Variants in FNDC1 observed in about 807,000 individuals in gnomAD.
FNDC1 encodes the protein fibronectin type III domain-containing protein 1.
Under a neutral mutation model 168.0 loss-of-function variants are expected in FNDC1, and 96 were observed. The ratio of observed to expected loss-of-function variants is 0.57; its 90% CI spans 0.48 to 0.68. FNDC1 has a LOEUF of 0.68. Ranked by LOEUF, FNDC1 falls within the 30% of genes least tolerant of loss-of-function variation. FNDC1 has a pLI of 0.00. For synonymous variants in FNDC1, 1,099 were observed against 1,025.9 expected (o/e 1.07, Z -1.36); for missense variants, 2,587 against 2,482.1 (o/e 1.04, Z -0.90).
rs1326187895 is a variant in FNDC1 at position 159,232,519 on chromosome 6, C to G, written c.2007C>G (p.Ala669=). 1.9e-6 allele frequency: 3 copies of G among 1,612,084 alleles called. No homozygotes were observed. The highest frequency in any genetic ancestry group is 1.7e-6 in the Non-Finnish European group (2 of 1,179,350). ...PKGAFAQPRP[A]LSPSRQSPSS... is the part of the protein sequence containing the mutation. ...GCGCCTTCGCCCAGCCCCGGCCAGCCCTGTCCCCCAGCCGCCAGTCCCCGT... is the reference window on the plus strand; with the variant it reads ...GCGCCTTCGCCCAGCCCCGGCCAGCGCTGTCCCCCAGCCGCCAGTCCCCGT... Residue 669 remains alanine, a synonymous_variant, in exon 11 of 23, where the codon GCC becomes GCG. Coordinates refer to ENST00000297267, the MANE Select transcript of FNDC1 (RefSeq NM_032532.3). The surrounding 1 kb of genome is among the most constrained non-coding windows in gnomAD (Gnocchi z 4.9).
intron 1 of FNDC1, among the ~76,000 whole-genome samples, chr6:159,176,412 T>C (rs1251306243): frequency 6.6e-6 from 1 of 152,192 alleles, no homozygotes; most frequent in Admixed American, 6.5e-5. Flanking sequence ...TGATACGTGC[T>C]AGGACAGAGG....
At chr6:159,269,371 A>G (rs1238151346) in intron 22 of FNDC1, among the ~76,000 whole-genome samples, 1 of 72,546 alleles carries the variant, frequency 1.4e-5, no homozygotes, top group African/African-American at 3.6e-5. Flanking sequence ...GTATCCATCC[A>G]TCTGCCCATC....
intron 19 of FNDC1, among the ~76,000 whole-genome samples, chr6:159,264,117 T>C (rs1296705245): frequency 6.6e-6 from 1 of 152,232 alleles, no homozygotes; most frequent in Non-Finnish European, 1.5e-5. Flanking sequence ...ACTTGAAGTG[T>C]ACATCTTAAT....
At chr6:159,256,453 C>T (rs1777375042) in intron 17 of FNDC1, 70 bp from the exon 18 acceptor site, 1 of 1,147,876 alleles carries the variant, frequency 8.7e-7, no homozygotes, top group African/African-American at 1.5e-5. Flanking sequence ...CACCTGTCCT[C>T]AGTGGGTTAC....
rs200940694 is a variant in FNDC1, at chr6:159,268,821, C to CATTTATCT, written c.5569+897_5569+898insTTATCTAT. Among the ~76,000 whole-genome samples the CATTTATCT allele has an allele frequency of 2.9e-3, 429 of 146,056 alleles. 1 individual carries two copies. The highest frequency in any genetic ancestry group is 6.2e-3 in the East Asian group (29 of 4,656). On this transcript the variant is annotated intron_variant, in intron 22 of 22. Coordinates refer to ENST00000297267, the MANE Select transcript of FNDC1 (RefSeq NM_032532.3). ...GTATCTATCTATTCATCTATCTATT[C>CATTTATCT]ATCTATCTATCTATCTATCTATCTA... is the stretch of plus-strand genomic sequence containing the variant.
At chr6:159,217,048 G>A (rs1782723471) in intron 5 of FNDC1, among the ~76,000 whole-genome samples, 1 of 152,196 alleles carries the variant, frequency 6.6e-6, no homozygotes, top group Non-Finnish European at 1.5e-5. Context: ...GGGAAGGTGC[G>A]TGTGCTATGT....
intron 4 of FNDC1, among the ~76,000 whole-genome samples, chr6:159,201,506 A>G (rs1216460244): frequency 6.6e-6 from 1 of 152,200 alleles, no homozygotes; most frequent in East Asian, 1.9e-4. Flanking sequence ...CTTGTAGCTG[A>G]TTTGAGAAGA....
chr6:159,171,610 G>A (rs1216364473), intron 1 of FNDC1, among the ~76,000 whole-genome samples: 3 of 152,208 alleles, frequency 2.0e-5, no homozygotes, highest in South Asian at 4.1e-4. Context: ...ACACACTGAA[G>A]ATCTGGATAA....
At chr6:159,229,443 T>G (rs1783034639) in intron 9 of FNDC1, among the ~76,000 whole-genome samples, 1 of 152,226 alleles carries the variant, frequency 6.6e-6, no homozygotes, top group African/African-American at 2.4e-5. Flanking sequence ...TTGTCACTTC[T>G]TTTTCCTTAG....
chr6:159,251,965 T>G (rs879222006), intron 17 of FNDC1, among the ~76,000 whole-genome samples: 1 of 152,176 alleles, frequency 6.6e-6, no homozygotes, highest in Admixed American at 6.5e-5. Context: ...CATTTGTCCC[T>G]TTTTGGAGTC....
chr6:159,180,917 T>C (rs1344645785), intron 1 of FNDC1, among the ~76,000 whole-genome samples: 1 of 152,178 alleles, frequency 6.6e-6, no homozygotes, highest in African/African-American at 2.4e-5. Context: ...ATGTCTGCTG[T>C]TGTGAATAGT....
chr6:159,205,119 AT>A (rs1782461011), intron 4 of FNDC1, among the ~76,000 whole-genome samples: 1 of 152,166 alleles, frequency 6.6e-6, no homozygotes. Flanking sequence ...CTGGGGTGGG[AT>A]TCATCTTTGG....
In FNDC1 at chr6:159,233,891, TC is replaced by T; in HGVS notation, c.3382del (p.Gln1128SerfsTer113). ...TGAGAGGDHR[S>X]QRGHAASPAR... The stretch of plus-strand genomic sequence containing the variant: ...CGCAGGGGCAGGTGGCGACCACAGG[TC>T]CCAGCGCGGACATGCGGCCTCCCCC... On this transcript the variant is annotated frameshift_variant, in exon 11 of 23. Coordinates refer to ENST00000297267, the MANE Select transcript of FNDC1 (RefSeq NM_032532.3). LOFTEE classifies it high-confidence loss of function. This position sits in a 1 kb window ranked among gnomAD's most constrained non-coding sequence, Gnocchi z 4.6. 6.5e-7 allele frequency: 1 copy of T among 1,547,140 alleles called. No homozygotes were observed. The highest frequency in any genetic ancestry group is 1.2e-5 in the South Asian group (1 of 83,838).
rs1469226169 is a variant in FNDC1, at chr6:159,232,888, C to T, written c.2376C>T (p.Gly792=). The T allele has an allele frequency of 1.2e-6, 2 of 1,612,984 alleles. No individual in the cohort carries two copies. Among genetic ancestry groups the T allele is most frequent in the Non-Finnish European group, 1.7e-6 (2 of 1,179,838 alleles). The change falls in exon 11 of 23, where the codon GGC becomes GGT. Residue 792 remains glycine (G), a synonymous_variant. Transcript: ENST00000297267. This position sits in a 1 kb window ranked among gnomAD's most constrained non-coding sequence, Gnocchi z 4.9. ...EASDGESHGD[G]DREDGGRQAE... ...CTGATGGTGAAAGCCACGGTGACGG[C>T]GATAGGGAAGACGGCGGAAGGCAGG... is the stretch of plus-strand genomic sequence containing the variant.
intron 22 of FNDC1, 111 bp from the exon 23 acceptor site, chr6:159,271,216 C>T: frequency 2.7e-6 from 2 of 728,468 alleles, no homozygotes; most frequent in Non-Finnish European, 4.8e-6. Flanking sequence ...AGCGTTTTGT[C>T]ACAAGAACAA....
At chr6:159,186,021 A>G (rs1781991202) in intron 1 of FNDC1, among the ~76,000 whole-genome samples, 2 of 152,248 alleles carry the variant, frequency 1.3e-5, no homozygotes, top group African/African-American at 4.8e-5. Context: ...TCTCAGAAAC[A>G]TCTTGAGGGA....
chr6:159,190,224 G>C (rs1013300466), intron 1 of FNDC1, among the ~76,000 whole-genome samples: 2 of 152,174 alleles, frequency 1.3e-5, no homozygotes, highest in Non-Finnish European at 2.9e-5. Context: ...CAACCAGCTG[G>C]GGATGTTCAG....
chr6:159,183,196 A>G (rs758434622), intron 1 of FNDC1, among the ~76,000 whole-genome samples: 2 of 152,184 alleles, frequency 1.3e-5, no homozygotes, highest in African/African-American at 2.4e-5. Context: ...ACTAAGTTTG[A>G]TATTTGTAGA....
At position 159,239,706 on chromosome 6, in the gene FNDC1, C is replaced by G; in HGVS notation, c.4370C>G (p.Thr1457Arg). 6.5e-7 allele frequency: 1 copy of G among 1,549,024 alleles called. No homozygotes were observed. Among genetic ancestry groups the G allele is most frequent in the Non-Finnish European group, 8.7e-7 (1 of 1,145,358 alleles). ...ACTACCATGCAGCCCACCACTACTA[C>G]GACGCCCCTGCCTACCACTACAACC... ...PTTTMQPTTT[T>R]TPLPTTTTPR... is the part of the protein sequence containing the mutation. The change falls in exon 14 of 23, where the codon ACG becomes AGG. Residue 1457 changes from threonine to arginine, a missense_variant. Transcript: ENST00000297267.
Sources: allele counts gnomAD v4.1 joint callset (sites outside exome capture counted in the v4.1 genomes callset), GRCh38; gene constraint gnomAD v4.1.1; non-coding constraint Gnocchi (gnomAD v3.1); transcripts MANE v1.5; gene names NCBI Gene and HGNC (gene_info 2026-07-23, HGNC 2026-07-21).